MTREX: variants seen among roughly 807,000 people sequenced by gnomAD.
MTREX encodes Mtr4 exosome RNA helicase, also known as exosome RNA helicase MTR4.
In MTREX, 76 loss-of-function variants were observed where a neutral mutation model predicts 135.4. The observed-to-expected ratio is 0.56, with a 90% confidence interval of 0.47 to 0.68. The LOEUF is 0.68. Among genes scored for constraint, MTREX ranks in the 30% least tolerant of loss-of-function variants. MTREX has a pLI of 0.00. For missense variants in MTREX, 920 were observed against 1,262.1 expected (o/e 0.73, Z 4.11); for synonymous variants, 404 against 401.6 (o/e 1.01, Z -0.07).
intron 21 of MTREX, among the ~76,000 whole-genome samples, chr5:55,404,380 T>C (rs1251137086): frequency 6.6e-6 from 1 of 152,218 alleles, no homozygotes; most frequent in African/African-American, 2.4e-5. Flanking sequence ...ATTTTCATTT[T>C]AAGGTTTCAT....
At chr5:55,353,726 A>G (rs1749864675) in intron 14 of MTREX, among the ~76,000 whole-genome samples, 1 of 152,030 alleles carries the variant, frequency 6.6e-6, no homozygotes, top group African/African-American at 2.4e-5. Context: ...TAATTGAACA[A>G]ACCTCCGTTC....
At chr5:55,375,850 C>T (rs1188078030) in intron 16 of MTREX, among the ~76,000 whole-genome samples, 6 of 152,284 alleles carry the variant, frequency 3.9e-5, no homozygotes, top group East Asian at 1.9e-4. Context: ...TCACAATCTA[C>T]GTTCTTCTGC....
intron 19 of MTREX, among the ~76,000 whole-genome samples, chr5:55,390,644 T>A (rs1750552700): frequency 6.6e-6 from 1 of 152,158 alleles, no homozygotes; most frequent in Non-Finnish European, 1.5e-5. Flanking sequence ...GGCCACGTCA[T>A]GATAGTTAAA....
rs545400025 is a variant in MTREX, at chr5:55,318,729, C to T, written c.135-3598C>T. On this transcript the variant is annotated intron_variant, in intron 1 of 26. Coordinates refer to ENST00000230640, the MANE Select transcript of MTREX (RefSeq NM_015360.5). The stretch of plus-strand genomic sequence containing the variant: ...CAAACCCCCATGACGTGTTTACCTG[C>T]GTAGCAAACCTTCACATGTACCCCA... Among the ~76,000 whole-genome samples the T allele has an allele frequency of 1.6e-4, 24 of 152,148 alleles. 1 individual carries two copies. Among genetic ancestry groups the T allele is most frequent in the East Asian group, 3.9e-4 (2 of 5,170 alleles).
intron 21 of MTREX, among the ~76,000 whole-genome samples, chr5:55,402,383 T>A (rs1031369784): frequency 1.3e-5 from 2 of 152,196 alleles, no homozygotes; most frequent in Non-Finnish European, 2.9e-5. Context: ...TGTCAGTCCC[T>A]CCATGGCCAC....
intron 21 of MTREX, among the ~76,000 whole-genome samples, chr5:55,402,400 C>T (rs997347905): frequency 3.9e-5 from 6 of 152,172 alleles, no homozygotes; most frequent in African/African-American, 9.7e-5. Context: ...CCACCAGGGT[C>T]GGCCTTATGT....
intron 7 of MTREX, among the ~76,000 whole-genome samples, chr5:55,342,922 G>A (rs1749674105): frequency 6.6e-6 from 1 of 152,138 alleles, no homozygotes; most frequent in East Asian, 1.9e-4. Context: ...AGGATCACAA[G>A]GATAATTTGG....
At chr5:55,346,859 T>G (rs932891965) in intron 10 of MTREX, among the ~76,000 whole-genome samples, 154 bp from the exon 11 acceptor site, 1 of 152,168 alleles carries the variant, frequency 6.6e-6, no homozygotes, top group Admixed American at 6.5e-5. Context: ...TTGTTTATGC[T>G]TTTGTTGTCA....
At chr5:55,382,743 CT>C (rs1750416452) in intron 18 of MTREX, among the ~76,000 whole-genome samples, 1 of 152,164 alleles carries the variant, frequency 6.6e-6, no homozygotes, top group Non-Finnish European at 1.5e-5. Context: ...AGTGATTCTC[CT>C]GCCTCAGCCT....
At position 55,388,071 on chromosome 5, in the gene MTREX, C is replaced by T. The variant is rs1750507505; in HGVS notation, c.2150C>T (p.Pro717Leu). The change falls in exon 19 of 27, where the codon CCA becomes CTA. Residue 717 changes from proline (P) to leucine (L), a missense_variant. Around this residue, in one of 6 missense-constraint regions of MTREX, gnomAD observed 467 missense variants for 589.7 expected, o/e 0.79. Coordinates refer to ENST00000230640, the MANE Select transcript of MTREX (RefSeq NM_015360.5). ...LKNSATEAAK[P>L]AKPDEKGEMQ... The stretch of plus-strand genomic sequence containing the variant: ...AATTCAGCTACAGAAGCTGCAAAAC[C>T]AGCTAAACCTGATGAGAAAGGAGAG... 1.2e-6 allele frequency: 2 copies of T among 1,607,778 alleles called. No homozygotes were observed. Among genetic ancestry groups the T allele is most frequent in the South Asian group, 2.2e-5 (2 of 90,332 alleles).
chr5:55,405,655 T>C (rs890996737), intron 22 of MTREX, 67 bp downstream of exon 22: 1 of 1,362,926 alleles, frequency 7.3e-7, no homozygotes, highest in African/African-American at 1.5e-5. Context: ...TTTTTGTTTA[T>C]TTTTTTTGAG....
chr5:55,396,353 T>C (rs569506332), intron 19 of MTREX, among the ~76,000 whole-genome samples: 39 of 152,312 alleles, frequency 2.6e-4, no homozygotes, highest in African/African-American at 9.4e-4. Context: ...GGATTGTATA[T>C]GATATTTCCT....
At chr5:55,320,972 G>A (rs973485363) in intron 1 of MTREX, among the ~76,000 whole-genome samples, 2 of 152,100 alleles carry the variant, frequency 1.3e-5, no homozygotes, top group African/African-American at 4.8e-5. Flanking sequence ...GGTGAATCCT[G>A]CTGTTTCTGT....
At chr5:55,418,226 A>T (rs547434990) in intron 25 of MTREX, among the ~76,000 whole-genome samples, 22 of 90,424 alleles carry the variant, frequency 2.4e-4, no homozygotes, top group East Asian at 2.4e-3. Context: ...AGAGCGAGAC[A>T]CCATCTCAAA....
chr5:55,336,044 A>G (rs1749548073), intron 5 of MTREX, among the ~76,000 whole-genome samples: 1 of 152,102 alleles, frequency 6.6e-6, no homozygotes, highest in South Asian at 2.1e-4. Context: ...TCATATTTGG[A>G]TTGCTAATAG....
chr5:55,385,524 G>A (rs575563999), intron 18 of MTREX, among the ~76,000 whole-genome samples: 1 of 152,154 alleles, frequency 6.6e-6, no homozygotes. Context: ...TGTATTTTTG[G>A]CTTCACCAGT....
At chr5:55,407,604 C>T (rs542505432) in intron 22 of MTREX, among the ~76,000 whole-genome samples, 7 of 152,246 alleles carry the variant, frequency 4.6e-5, no homozygotes, top group Admixed American at 3.9e-4. Context: ...TCCTAGACTC[C>T]TTCTCTCACC....
At chr5:55,346,982 A>AATTTTGGT (rs773812733) in intron 10 of MTREX, 31 bp from the exon 11 acceptor site, 1 of 1,559,680 alleles carries the variant, frequency 6.4e-7, no homozygotes, top group Non-Finnish European at 8.7e-7. Context: ...ATTTTGAGTT[A>AATTTTGGT]ATTTTGGTGT....
chr5:55,353,332 T>C lies in MTREX; in HGVS notation c.1533+63T>C, dbSNP rs1749857970. 7 of 1,020,454 alleles carry C rather than the reference T, an allele frequency of 6.9e-6. No individual in the cohort carries two copies. The South Asian group carries it at 1.0e-4, about 15-fold the overall frequency. The allele number at this position is 1,020,454 out of a possible 1,614,324, so 63.2% of individuals were successfully genotyped here. Reference sequence around the variant, plus strand: ...CTTTGTTATACTATAGATAACTGGCTTACATAGTCTTTGAGATTTTAAGTC... The same window carrying C: ...CTTTGTTATACTATAGATAACTGGCCTACATAGTCTTTGAGATTTTAAGTC... On this transcript the variant is annotated intron_variant, in intron 14 of 26. Transcript: ENST00000230640.
Sources: allele counts gnomAD v4.1 joint callset (sites outside exome capture counted in the v4.1 genomes callset), GRCh38; gene constraint gnomAD v4.1.1; regional missense constraint gnomAD v4.1.1; transcripts MANE v1.5; gene names NCBI Gene and HGNC (gene_info 2026-07-23, HGNC 2026-07-21).